The following PTPRD variants were observed in gnomAD, a reference collection of about 807,000 sequenced individuals.
PTPRD encodes the protein receptor-type tyrosine-protein phosphatase delta.
Under a neutral mutation model 214.5 loss-of-function variants are expected in PTPRD, and 34 were observed. That is an observed-to-expected ratio of 0.16 (90% CI 0.12 to 0.21). PTPRD has a LOEUF of 0.21. PTPRD is among the 10% of genes least tolerant of loss of function. The probability of loss-of-function intolerance (pLI) is 1.00; values close to 1 mark genes in which losing one functional copy is unlikely to be tolerated. For missense variants in PTPRD, 2,545 were observed against 2,398.7 expected, an observed-to-expected ratio of 1.06 and a Z score of -1.27; for synonymous variants, 1,128 against 845.7, an observed-to-expected ratio of 1.33 and a Z score of -5.79.
chr9:10,468,487 C>T (rs370150849), intron 2 of PTPRD, among the ~76,000 whole-genome samples: 9 of 151,984 alleles, frequency 5.9e-5, no homozygotes, highest in Admixed American at 2.6e-4. Context: ...ACATCACACA[C>T]GGGCCTGTTG....
intron 9 of PTPRD, among the ~76,000 whole-genome samples, chr9:9,329,983 C>T (rs2041697474): frequency 6.6e-6 from 1 of 152,108 alleles, no homozygotes; most frequent in Admixed American, 6.6e-5. Flanking sequence ...TCCTTGATTT[C>T]CCCACCAGTT....
chr9:9,486,059 G>A lies in PTPRD; in HGVS notation c.-236-88577C>T, dbSNP rs564283839. Among the ~76,000 whole-genome samples the A allele has an allele frequency of 2.1e-5, 3 of 142,750 alleles. No homozygotes were observed. In the East Asian group the frequency reaches 6.8e-4, roughly 32 times the overall value. 93.6% of individuals were successfully genotyped at this position (142,750 alleles called of 152,430 possible). A position where few individuals can be genotyped will look rare whatever the true frequency, so the allele number is the denominator to read the frequency against. ...CCAGCTACTTGGGAGGCTGAGGCAG[G>A]AGAATAGCTTGAATCCAGGAGGTGG... On this transcript the variant is annotated intron_variant, in intron 8 of 45. Transcript: ENST00000381196.
At chr9:8,568,370 C>T (rs950836952) in intron 14 of PTPRD, among the ~76,000 whole-genome samples, 6 of 152,142 alleles carry the variant, frequency 3.9e-5, no homozygotes, top group Admixed American at 6.6e-5. Flanking sequence ...GTGACAGCAA[C>T]TTACACATTA....
intron 39 of PTPRD, among the ~76,000 whole-genome samples, chr9:8,352,357 A>T (rs1258751691): frequency 6.6e-6 from 1 of 152,206 alleles, no homozygotes; most frequent in Non-Finnish European, 1.5e-5. Context: ...GAATCTGAAT[A>T]GAGGTCAATC....
At chr9:9,750,540 T>C (rs1270101065) in intron 6 of PTPRD, among the ~76,000 whole-genome samples, 1 of 151,938 alleles carries the variant, frequency 6.6e-6, no homozygotes, top group East Asian at 1.9e-4. Flanking sequence ...TCAGTAAGAG[T>C]TCTTTAAAGC....
At chr9:10,254,525 T>G (rs2093072844) in intron 3 of PTPRD, among the ~76,000 whole-genome samples, 1 of 152,130 alleles carries the variant, frequency 6.6e-6, no homozygotes, top group Non-Finnish European at 1.5e-5. Context: ...GGCAAAGGAA[T>G]AAAGCATAAA....
At chr9:10,154,711 C>A (rs1344387134) in intron 3 of PTPRD, among the ~76,000 whole-genome samples, 1 of 151,954 alleles carries the variant, frequency 6.6e-6, no homozygotes, top group African/African-American at 2.4e-5. Context: ...AATAGGGATC[C>A]CTTTCCCCAT....
chr9:8,375,910 A>T (rs2134787804), intron 39 of PTPRD, 26 bp downstream of exon 39: 1 of 1,597,086 alleles, frequency 6.3e-7, no homozygotes, highest in Non-Finnish European at 8.5e-7. Context: ...CTGTTTCCTG[A>T]CTGCAAGTGA....
intron 2 of PTPRD, among the ~76,000 whole-genome samples, chr9:10,453,340 T>C (rs1193534018): frequency 6.6e-6 from 1 of 151,688 alleles, no homozygotes; most frequent in African/African-American, 2.4e-5. Context: ...GTTCTTTTAA[T>C]TTAAAAAATA....
intron 5 of PTPRD, among the ~76,000 whole-genome samples, chr9:9,908,344 G>C (rs564992549): frequency 4.4e-4 from 67 of 152,094 alleles, no homozygotes; most frequent in Non-Finnish European, 1.0e-4. Flanking sequence ...GAAGGGAACA[G>C]AGGGCATTTC....
chr9:10,014,129 T>C (rs762303520), intron 4 of PTPRD, among the ~76,000 whole-genome samples: 2 of 151,976 alleles, frequency 1.3e-5, no homozygotes, highest in Non-Finnish European at 2.9e-5. Flanking sequence ...GTTGTTTGCT[T>C]AAAGTTACAT....
chr9:10,076,830 G>A (rs550989855), intron 3 of PTPRD, among the ~76,000 whole-genome samples: 6 of 152,214 alleles, frequency 3.9e-5, no homozygotes, highest in African/African-American at 1.4e-4. Context: ...TAAACCTAGC[G>A]CACATTACAG....
intron 14 of PTPRD, among the ~76,000 whole-genome samples, chr9:8,585,515 A>G (rs554535998): frequency 6.6e-6 from 1 of 152,294 alleles, no homozygotes; most frequent in African/African-American, 2.4e-5. Flanking sequence ...AATGTGTAAG[A>G]ATTGGTGGGA....
At chr9:8,849,171 A>AT (rs746565485) in intron 11 of PTPRD, among the ~76,000 whole-genome samples, 27,704 of 108,664 alleles carry the variant, frequency 0.25, 4,457 homozygotes, top group East Asian at 0.54. Flanking sequence ...TCAAAAAAAA[A>AT]TTTTTTTTTT....
chr9:10,451,966 G>A (rs557302483), intron 2 of PTPRD, among the ~76,000 whole-genome samples: 1 of 151,922 alleles, frequency 6.6e-6, no homozygotes, highest in Non-Finnish European at 1.5e-5. Flanking sequence ...AAATATGAAA[G>A]CCTACCTCTG....
intron 2 of PTPRD, among the ~76,000 whole-genome samples, chr9:10,591,879 C>T (rs80269461): frequency 6.6e-6 from 1 of 152,090 alleles, no homozygotes; most frequent in Non-Finnish European, 1.5e-5. Flanking sequence ...GTAGTTGAGA[C>T]ATGGATCCTC....
chr9:9,347,705 C>T (rs2049401449), intron 9 of PTPRD, among the ~76,000 whole-genome samples: 1 of 152,112 alleles, frequency 6.6e-6, no homozygotes, highest in African/African-American at 2.4e-5. Flanking sequence ...ATTCATGGTA[C>T]ATCTACATTC....
At chr9:9,823,269 A>G (rs928997985) in intron 5 of PTPRD, among the ~76,000 whole-genome samples, 3 of 152,238 alleles carry the variant, frequency 2.0e-5, no homozygotes, top group Non-Finnish European at 4.4e-5. Flanking sequence ...GAAGCTTACA[A>G]TCATGATGGA....
chr9:8,708,768 G>C (rs971005499), intron 12 of PTPRD, among the ~76,000 whole-genome samples: 2 of 150,614 alleles, frequency 1.3e-5, no homozygotes, highest in Non-Finnish European at 3.0e-5. Flanking sequence ...AAATGAAATA[G>C]GTATGTCAAA....
Sources: allele counts gnomAD v4.1 joint callset (sites outside exome capture counted in the v4.1 genomes callset), GRCh38; gene constraint gnomAD v4.1.1; transcripts MANE v1.5; gene names NCBI Gene and HGNC (gene_info 2026-07-23, HGNC 2026-07-21).